The following NLRP14 variants were observed in gnomAD, a reference collection of about 807,000 sequenced individuals.
NLRP14 encodes NLR family pyrin domain containing 14.
NLRP14 carries 105 observed loss-of-function variants against 94.7 expected under a neutral mutation model. That is an observed-to-expected ratio of 1.11 (90% CI 0.95 to 1.30). NLRP14 has a LOEUF of 1.30. NLRP14 is among the 50% of genes most tolerant of loss of function. NLRP14 has a pLI of 0.00. For missense variants in NLRP14, 1,362 were observed against 1,254.1 expected (o/e 1.09, Z -1.30); for synonymous variants, 508 against 459.9 (o/e 1.10, Z -1.34).
At chr11:7,088,224 G>A in the NLRP14 span, among the ~76,000 whole-genome samples, 1 of 152,086 alleles carries the variant, frequency 6.6e-6, no homozygotes, top group Non-Finnish European at 1.5e-5. Context: ...AAAAACAATG[G>A]ATATCGTACA....
intron 6 of NLRP14, among the ~76,000 whole-genome samples, chr11:7,056,291 G>T (rs562513207): frequency 1.6e-4 from 24 of 151,756 alleles, no homozygotes; most frequent in Admixed American, 1.4e-3. Flanking sequence ...AGTAGGTAAG[G>T]GTTGTTTTCA....
chr11:7,054,637 T>C lies in NLRP14; in HGVS notation c.2292-3040T>C, dbSNP rs530365109. On this transcript the variant is annotated intron_variant, in intron 6 of 11. Transcript: ENST00000299481. Reference sequence around the variant, plus strand: ...TATTCAGATCTCTTGCCCATTTTAATTGGATAATTAGATTTTTTTCCTGTA... The same window carrying C: ...TATTCAGATCTCTTGCCCATTTTAACTGGATAATTAGATTTTTTTCCTGTA... Among the ~76,000 whole-genome samples, 696 of 152,258 alleles carry C rather than the reference T, an allele frequency of 4.6e-3. 2 individuals carry two copies. Among genetic ancestry groups the C allele is most frequent in the Non-Finnish European group, 8.2e-3 (556 of 67,984 alleles).
intron 10 of NLRP14, among the ~76,000 whole-genome samples, chr11:7,063,108 C>T (rs1217639302): frequency 6.6e-6 from 1 of 152,078 alleles, no homozygotes; most frequent in Non-Finnish European, 1.5e-5. Flanking sequence ...CCTGACTCTT[C>T]CAAGAAAATG....
chr11:7,056,882 G>A (rs1276997772), intron 6 of NLRP14, among the ~76,000 whole-genome samples: 1 of 151,962 alleles, frequency 6.6e-6, no homozygotes, highest in East Asian at 1.9e-4. Flanking sequence ...CATGTTCTAG[G>A]TCATCTATTA....
chr11:7,062,582 A>C, intron 10 of NLRP14, 79 bp downstream of exon 10: 1 of 1,310,652 alleles, frequency 7.6e-7, no homozygotes, highest in Non-Finnish European at 1.1e-6. Context: ...GTGTATGGAG[A>C]GAGGATAAAA....
At chr11:7,083,233 T>C in the NLRP14 span, among the ~76,000 whole-genome samples, 1 of 152,254 alleles carries the variant, frequency 6.6e-6, no homozygotes. Context: ...CAAAGGCATG[T>C]AAGCCAGCTC....
chr11:7,029,259 C>G lies in NLRP14; in HGVS notation c.-22+8489C>G, dbSNP rs1224854015. ...CTTTCAATTTGGCAAAGAAATCCTACAAGCATTTTTACCTTTTTGCAACAC... is the reference window on the plus strand; with the variant it reads ...CTTTCAATTTGGCAAAGAAATCCTAGAAGCATTTTTACCTTTTTGCAACAC... On this transcript the variant is annotated intron_variant, in intron 1 of 11. Transcript: ENST00000299481. Among the ~76,000 whole-genome samples, 4 of 152,180 alleles carry G rather than the reference C, an allele frequency of 2.6e-5. No individual in the cohort carries two copies. In the East Asian group the frequency reaches 7.7e-4, roughly 29 times the overall value.
the NLRP14 span, chr11:7,090,018 C>T: frequency 3.7e-6 from 6 of 1,613,140 alleles, no homozygotes; most frequent in Middle Eastern, 1.6e-4. Flanking sequence ...GGGGACACCG[C>T]CATCTTACGG....
intron 8 of NLRP14, among the ~76,000 whole-genome samples, chr11:7,058,682 C>T (rs749588878): frequency 6.6e-6 from 1 of 151,860 alleles, no homozygotes; most frequent in Non-Finnish European, 1.5e-5. Context: ...AAATTGACCA[C>T]CCAATTTTGA....
At position 7,070,377 on chromosome 11, in the gene NLRP14, C is replaced by G. The variant is rs576072748; in HGVS notation, c.3067C>G (p.Gln1023Glu). The G allele has an allele frequency of 5.6e-6, 9 of 1,607,590 alleles. No homozygotes were observed. The South Asian group carries it at 8.8e-5, about 16-fold the overall frequency. The change falls in exon 11 of 12, where the codon CAG (glutamine) becomes GAG (glutamate). Residue 1023 changes from glutamine to glutamate, a missense_variant. Coordinates refer to ENST00000299481, the MANE Select transcript of NLRP14 (RefSeq NM_176822.4). Reference sequence around the variant, plus strand: ...AAGACTGATAAAAATGAATCTGACACAGAATACCTTAGGATATGAAGGAAT... The same window carrying G: ...AAGACTGATAAAAATGAATCTGACAGAGAATACCTTAGGATATGAAGGAAT... ...NKRLIKMNLT[Q>E]NTLGYEGIVK...
At chr11:7,040,648 T>C (rs1403391579) in intron 3 of NLRP14, among the ~76,000 whole-genome samples, 1 of 152,182 alleles carries the variant, frequency 6.6e-6, no homozygotes, top group African/African-American at 2.4e-5. Context: ...GGAATTACAG[T>C]AGAAAGAAAA....
intron 6 of NLRP14, among the ~76,000 whole-genome samples, chr11:7,052,445 C>T (rs1852454002): frequency 1.3e-5 from 2 of 152,114 alleles, no homozygotes; most frequent in South Asian, 4.1e-4. Flanking sequence ...CCAGCCTGGC[C>T]AACATGGCAA....
chr11:7,024,033 T>C (rs1269436820), intron 1 of NLRP14, among the ~76,000 whole-genome samples: 2 of 151,762 alleles, frequency 1.3e-5, no homozygotes, highest in Admixed American at 6.6e-5. Flanking sequence ...ATCAGAAACA[T>C]ATGAAACACA....
intron 8 of NLRP14, among the ~76,000 whole-genome samples, chr11:7,059,356 A>T (rs1474083039): frequency 6.6e-6 from 1 of 151,316 alleles, no homozygotes; most frequent in Non-Finnish European, 1.5e-5. Context: ...CCTTTCTTTT[A>T]AAAAAAATAC....
intron 10 of NLRP14, among the ~76,000 whole-genome samples, chr11:7,069,938 T>TTTTAAACAC (rs1415867266): frequency 1.3e-5 from 2 of 152,186 alleles, no homozygotes; most frequent in Non-Finnish European, 2.9e-5. Flanking sequence ...ATTCCTTGCT[T>TTTTAAACAC]TTTAAACACT....
Position 7,042,670 on chromosome 11 carries a change from A to T in NLRP14, c.644A>T (p.Tyr215Phe). ...CAGCAGAGGTTTAAGTATGTTTTTTATCTCAATGGGAGAGAAATTAACCAG... is the reference window on the plus strand; with the variant it reads ...CAGCAGAGGTTTAAGTATGTTTTTTTTCTCAATGGGAGAGAAATTAACCAG... ...LYQQRFKYVF[Y>F]LNGREINQLK... The change falls in exon 4 of 12, where the codon TAT becomes TTT. Residue 215 changes from tyrosine (Y) to phenylalanine (F), a missense_variant. Physicochemically the swap from Tyr to Phe is conservative, Grantham distance 22. Transcript: ENST00000299481. 3 of 1,614,244 alleles carry T rather than the reference A, an allele frequency of 1.9e-6. No homozygotes were observed. The highest frequency in any genetic ancestry group is 2.5e-6 in the Non-Finnish European group (3 of 1,180,042).
At chr11:7,088,160 A>G in the NLRP14 span, among the ~76,000 whole-genome samples, 1 of 152,228 alleles carries the variant, frequency 6.6e-6, no homozygotes, top group African/African-American at 2.4e-5. Context: ...CTTTCTGCTC[A>G]GTATATATGG....
intron 10 of NLRP14, among the ~76,000 whole-genome samples, chr11:7,063,972 A>G (rs1157490234): frequency 3.3e-5 from 5 of 152,106 alleles, no homozygotes; most frequent in African/African-American, 1.2e-4. Context: ...CAGTAAAGAG[A>G]CAGTTAGCAG....
intron 10 of NLRP14, among the ~76,000 whole-genome samples, chr11:7,066,099 A>G (rs371365479): frequency 1.3e-5 from 2 of 152,156 alleles, no homozygotes; most frequent in African/African-American, 4.8e-5. Flanking sequence ...TTCTTTATCC[A>G]GTCTATCATT....
Sources: gnomAD v4.1 joint callset for allele counts (sites outside exome capture counted in the v4.1 genomes callset) on GRCh38, gnomAD v4.1.1 for gene constraint, MANE v1.5 for transcripts, NCBI Gene and HGNC (gene_info 2026-07-23, HGNC 2026-07-21) for gene names.